Variants in PTPRT observed in about 807,000 individuals in gnomAD.
PTPRT encodes receptor-type tyrosine-protein phosphatase T.
A neutral mutation model predicts 176.8 loss-of-function variants in PTPRT; 56 were observed. The ratio of observed to expected loss-of-function variants is 0.32; its 90% CI spans 0.26 to 0.40. PTPRT has a LOEUF of 0.40. Ranked by LOEUF, PTPRT falls within the 10% of genes least tolerant of loss-of-function variation. PTPRT has a pLI of 1.00. For missense variants in PTPRT, 1,540 were observed against 1,908.2 expected (o/e 0.81, Z 3.60); for synonymous variants, 783 against 739.0 (o/e 1.06, Z -0.96).
At chr20:42,679,886 C>A (rs937711682) in intron 6 of PTPRT, among the ~76,000 whole-genome samples, 1 of 152,168 alleles carries the variant, frequency 6.6e-6, no homozygotes, top group Non-Finnish European at 1.5e-5. Context: ...AGACTTCAGT[C>A]TGTCTTATCT....
At chr20:42,402,249 G>T (rs1443304694) in intron 9 of PTPRT, among the ~76,000 whole-genome samples, 1 of 152,050 alleles carries the variant, frequency 6.6e-6, no homozygotes, top group Non-Finnish European at 1.5e-5. Context: ...TGAGATTTGT[G>T]TTAGCCTTAT....
intron 1 of PTPRT, among the ~76,000 whole-genome samples, chr20:43,027,597 T>C (rs1210973511): frequency 1.3e-5 from 2 of 151,988 alleles, no homozygotes; most frequent in Non-Finnish European, 2.9e-5. Flanking sequence ...AAAGACCACG[T>C]GAGGACACAG....
chr20:42,591,458 A>G (rs2073573532), intron 7 of PTPRT, among the ~76,000 whole-genome samples: 1 of 152,206 alleles, frequency 6.6e-6, no homozygotes, highest in Non-Finnish European at 1.5e-5. Flanking sequence ...CCTGTTACAG[A>G]AACTCTCACT....
intron 1 of PTPRT, among the ~76,000 whole-genome samples, chr20:43,022,370 A>G (rs142276815): frequency 1.3e-3 from 204 of 152,352 alleles, no homozygotes; most frequent in Non-Finnish European, 2.0e-3. Context: ...AAGGCAAATT[A>G]TCCTTGCACC....
chr20:43,062,716 T>C (rs1987523517), intron 1 of PTPRT, among the ~76,000 whole-genome samples: 2 of 152,238 alleles, frequency 1.3e-5, no homozygotes. Flanking sequence ...AATTCAAACC[T>C]GAACATGGTT....
chr20:43,184,053 G>C (rs1043448714), intron 1 of PTPRT, among the ~76,000 whole-genome samples: 1 of 152,216 alleles, frequency 6.6e-6, no homozygotes, highest in Non-Finnish European at 1.5e-5. Context: ...GGGAGTGTCT[G>C]TTTAACTTTT....
At chr20:42,704,802 G>A (rs1032745032) in intron 6 of PTPRT, among the ~76,000 whole-genome samples, 3 of 152,196 alleles carry the variant, frequency 2.0e-5, no homozygotes, top group African/African-American at 4.8e-5. Flanking sequence ...GGCTGATACA[G>A]AATAGAGGCT....
chr20:43,013,188 T>C (rs1322508696), intron 1 of PTPRT, among the ~76,000 whole-genome samples: 2 of 152,154 alleles, frequency 1.3e-5, no homozygotes, highest in Admixed American at 1.3e-4. Flanking sequence ...AATAACTCAT[T>C]TTTATTCTTT....
chr20:43,065,108 CT>C lies in PTPRT; in HGVS notation c.88+124537del, dbSNP rs199730006. 3.6e-4 allele frequency among the ~76,000 whole-genome samples: 55 copies of C among 152,352 alleles called. No individual in the cohort carries two copies. In the East Asian group the frequency reaches 0.01, roughly 28 times the overall value. On this transcript the variant is annotated intron_variant, in intron 1 of 30. Coordinates refer to ENST00000373187, the MANE Select transcript of PTPRT (RefSeq NM_007050.6). The stretch of plus-strand genomic sequence containing the variant: ...CAAAAGAAGAAACCATCTCCTTCCC[CT>C]TTGCATCTCCTGCCCCAAGCACACA...
chr20:42,071,114 T>A (rs1373156630), downstream of PTPRT, among the ~76,000 whole-genome samples: 1 of 152,146 alleles, frequency 6.6e-6, no homozygotes, highest in Non-Finnish European at 1.5e-5. Flanking sequence ...GTGAGCCATG[T>A]ATCTAGGTTC....
At chr20:42,270,363 T>TCGC in intron 13 of PTPRT, 3 of 1,332,716 alleles carry the variant, frequency 2.3e-6, no homozygotes, top group Non-Finnish European at 3.1e-6. Context: ...TGGGCAACTC[T>TCGC]CCCCTCCCAC....
intron 7 of PTPRT, among the ~76,000 whole-genome samples, chr20:42,496,266 C>CTTCACAAAA (rs2071652067): frequency 6.6e-6 from 1 of 152,000 alleles, no homozygotes; most frequent in Non-Finnish European, 1.5e-5. Context: ...GGCAGGCATA[C>CTTCACAAAA]CCCATGTAAC....
At chr20:42,964,334 A>G (rs1210572649) in intron 1 of PTPRT, among the ~76,000 whole-genome samples, 4 of 152,216 alleles carry the variant, frequency 2.6e-5, no homozygotes, top group Non-Finnish European at 4.4e-5. Context: ...AAATGTCAAT[A>G]GAAAAAAAAT....
chr20:42,247,580 G>C (rs984732679), intron 14 of PTPRT, among the ~76,000 whole-genome samples: 1 of 152,186 alleles, frequency 6.6e-6, no homozygotes, highest in Non-Finnish European at 1.5e-5. Context: ...CCTGAACTCT[G>C]TGCATAAGCA....
intron 9 of PTPRT, among the ~76,000 whole-genome samples, chr20:42,353,593 C>G (rs1218268875): frequency 6.6e-6 from 1 of 152,202 alleles, no homozygotes; most frequent in Non-Finnish European, 1.5e-5. Flanking sequence ...TTTTGAAGCA[C>G]TCACTCTCAA....
chr20:43,027,100 C>T (rs1985943295), intron 1 of PTPRT, among the ~76,000 whole-genome samples: 1 of 152,128 alleles, frequency 6.6e-6, no homozygotes, highest in African/African-American at 2.4e-5. Flanking sequence ...GCAGTGGGAT[C>T]GCTAGATCAT....
intron 6 of PTPRT, among the ~76,000 whole-genome samples, chr20:42,743,732 A>G (rs559635753): frequency 2.1e-3 from 325 of 152,310 alleles, no homozygotes; most frequent in Middle Eastern, 6.8e-3. Flanking sequence ...GGCATGGGTG[A>G]AGTTTAAAAA....
intron 7 of PTPRT, among the ~76,000 whole-genome samples, chr20:42,648,827 T>TTTTTG (rs1157629496): frequency 6.8e-6 from 1 of 146,496 alleles, no homozygotes; most frequent in African/African-American, 2.6e-5. Context: ...GTTGTTTTTT[T>TTTTTG]TTTTTTTTTT....
At chr20:42,180,477 A>G (rs1990472106) in intron 16 of PTPRT, among the ~76,000 whole-genome samples, 1 of 152,170 alleles carries the variant, frequency 6.6e-6, no homozygotes, top group Non-Finnish European at 1.5e-5. Flanking sequence ...TTATTATGTC[A>G]TATCATATAA....
Sources: gnomAD v4.1 joint callset for allele counts (sites outside exome capture counted in the v4.1 genomes callset) on GRCh38, gnomAD v4.1.1 for gene constraint, MANE v1.5 for transcripts, NCBI Gene and HGNC (gene_info 2026-07-23, HGNC 2026-07-21) for gene names.